The following NBEA variants were observed in gnomAD, a reference collection of about 807,000 sequenced individuals.
NBEA encodes neurobeachin.
Under a neutral mutation model 343.4 loss-of-function variants are expected in NBEA, and 44 were observed. That is an observed-to-expected ratio of 0.13 (90% CI 0.10 to 0.16). NBEA has a LOEUF of 0.16. Among genes scored for constraint, NBEA ranks in the 10% least tolerant of loss-of-function variants. NBEA has a pLI of 1.00. For missense variants in NBEA, 2,555 were observed against 3,631.3 expected (o/e 0.70, Z 7.62); for synonymous variants, 1,175 against 1,238.7 (o/e 0.95, Z 1.08).
chr13:35,339,037 G>T (rs113049668), intron 36 of NBEA, among the ~76,000 whole-genome samples: 1 of 151,974 alleles, frequency 6.6e-6, no homozygotes. Context: ...AAAGAACCCC[G>T]CAATGAAGTC....
intron 44 of NBEA, among the ~76,000 whole-genome samples, chr13:35,564,814 C>T (rs562489133): frequency 2.6e-5 from 4 of 152,292 alleles, no homozygotes; most frequent in South Asian, 2.1e-4. Flanking sequence ...GCATAATCCT[C>T]GTCTTCTAAA....
intron 36 of NBEA, among the ~76,000 whole-genome samples, chr13:35,333,179 A>T (rs1472019309): frequency 1.3e-5 from 2 of 152,122 alleles, no homozygotes; most frequent in Non-Finnish European, 2.9e-5. Context: ...ATCAAGGGGG[A>T]AAAAAGATTT....
rs982417418 is a variant in NBEA, at chr13:35,445,795, T to TATAC, written c.6305-6294_6305-6293insCATA. On this transcript the variant is annotated intron_variant, in intron 39 of 58. Transcript: ENST00000379939. ...AGATATAAATGTTTATATATATATA[T>TATAC]ATATATATATATATATATATATGTA... Among the ~76,000 whole-genome samples the TATAC allele has an allele frequency of 1.5e-4, 12 of 80,326 alleles. No homozygotes were observed. The East Asian group carries it at 2.7e-3, about 18-fold the overall frequency. 52.7% of individuals were successfully genotyped at this position (80,326 alleles called of 152,430 possible).
chr13:35,032,368 T>G (rs2062261007), intron 1 of NBEA, among the ~76,000 whole-genome samples: 1 of 151,958 alleles, frequency 6.6e-6, no homozygotes, highest in South Asian at 2.1e-4. Flanking sequence ...GGTATCTCAC[T>G]GTTGTTTTGA....
intron 1 of NBEA, among the ~76,000 whole-genome samples, chr13:34,946,723 A>G (rs904184972): frequency 6.7e-6 from 1 of 149,514 alleles, no homozygotes; most frequent in East Asian, 1.9e-4. Flanking sequence ...TTTACATTCT[A>G]AGTGGCATGC....
chr13:35,366,378 A>G (rs1211950524), intron 38 of NBEA, among the ~76,000 whole-genome samples: 2 of 151,418 alleles, frequency 1.3e-5, no homozygotes, highest in Admixed American at 1.3e-4. Context: ...ATATTTTCTG[A>G]TAATGTTTGC....
At chr13:35,545,668 C>T (rs375913573) in intron 41 of NBEA, among the ~76,000 whole-genome samples, 30 of 152,250 alleles carry the variant, frequency 2.0e-4, no homozygotes, top group African/African-American at 6.0e-4. Flanking sequence ...ATGTGAGAGG[C>T]GTAAGTCCAT....
Position 35,476,227 on chromosome 13 carries a change from G to A in NBEA, c.6585+3691G>A, listed in dbSNP as rs949977627. The A allele has an allele frequency of 5.7e-6, 9 of 1,590,588 alleles. No individual in the cohort carries two copies. The Admixed American group carries it at 1.0e-4, about 18-fold the overall frequency. ...TGCTAGAGCTGGAGCCAACTTCGGT[G>A]GAGAAACGGGCCGCAACACTCAGAA... On this transcript the variant is annotated intron_variant, in intron 41 of 58. Transcript: ENST00000379939.
chr13:35,337,524 G>A (rs959794742), intron 36 of NBEA, among the ~76,000 whole-genome samples: 8 of 151,924 alleles, frequency 5.3e-5, no homozygotes, highest in African/African-American at 1.9e-4. Flanking sequence ...CAGAACTAAA[G>A]GGAGAAATAA....
At chr13:35,267,550 C>A (rs937103753) in intron 34 of NBEA, among the ~76,000 whole-genome samples, 1 of 151,564 alleles carries the variant, frequency 6.6e-6, no homozygotes, top group Non-Finnish European at 1.5e-5. Context: ...AATACATTAT[C>A]AACAGAGTAA....
chr13:35,447,785 G>A (rs1228448771), intron 39 of NBEA, among the ~76,000 whole-genome samples: 1 of 152,062 alleles, frequency 6.6e-6, no homozygotes. Context: ...GGCTAAAGAG[G>A]CCAAAAAGTG....
chr13:35,417,325 G>A (rs922132931), intron 38 of NBEA, among the ~76,000 whole-genome samples: 73 of 151,934 alleles, frequency 4.8e-4, no homozygotes, highest in African/African-American at 1.7e-3. Context: ...TAATTGTGTT[G>A]TTAGGGTGTC....
chr13:35,316,266 A>AC (rs1352212569), intron 36 of NBEA, among the ~76,000 whole-genome samples: 1 of 149,536 alleles, frequency 6.7e-6, no homozygotes, highest in East Asian at 2.0e-4. Flanking sequence ...CTAGTCCTCC[A>AC]CCCCCCAACA....
chr13:35,016,495 CTG>C (rs1406880280), intron 1 of NBEA, among the ~76,000 whole-genome samples: 2 of 151,920 alleles, frequency 1.3e-5, no homozygotes, highest in Non-Finnish European at 2.9e-5. Flanking sequence ...CAGTTGCAAA[CTG>C]TTATCTATCA....
intron 1 of NBEA, among the ~76,000 whole-genome samples, chr13:34,951,199 T>C (rs1220347639): frequency 7.9e-6 from 1 of 127,224 alleles, no homozygotes; most frequent in Admixed American, 8.5e-5. Context: ...TTTTATGATA[T>C]AACATGTGGC....
intron 44 of NBEA, among the ~76,000 whole-genome samples, chr13:35,559,464 T>TA (rs1160663861): frequency 9.2e-5 from 14 of 152,326 alleles, no homozygotes; most frequent in Non-Finnish European, 1.6e-4. Context: ...GATAGGATGT[T>TA]AGTCTTCTTT....
At chr13:35,059,341 TG>T (rs2063378608) in intron 8 of NBEA, among the ~76,000 whole-genome samples, 1 of 151,940 alleles carries the variant, frequency 6.6e-6, no homozygotes, top group African/African-American at 2.4e-5. Context: ...GGTACAGTAG[TG>T]AGTATACTAA....
chr13:35,301,449 T>A (rs1422677937), intron 35 of NBEA, among the ~76,000 whole-genome samples: 1 of 152,168 alleles, frequency 6.6e-6, no homozygotes, highest in East Asian at 1.9e-4. Flanking sequence ...TTTCATTTTC[T>A]GTTTCTGCGT....
chr13:35,116,317 C>G (rs2066488517), intron 13 of NBEA, among the ~76,000 whole-genome samples: 1 of 152,072 alleles, frequency 6.6e-6, no homozygotes, highest in South Asian at 2.1e-4. Flanking sequence ...AATTTCTTGA[C>G]CAAAGAAGTG....
Sources: allele counts gnomAD v4.1 joint callset (sites outside exome capture counted in the v4.1 genomes callset), GRCh38; gene constraint gnomAD v4.1.1; transcripts MANE v1.5; gene names NCBI Gene and HGNC (gene_info 2026-07-23, HGNC 2026-07-21).